The following SIDT1 variants were observed in gnomAD, a reference collection of about 807,000 sequenced individuals.
SIDT1 encodes SID1 transmembrane family, member 1.
A neutral mutation model predicts 107.5 loss-of-function variants in SIDT1; 101 were observed. That is an observed-to-expected ratio of 0.94 (90% CI 0.80 to 1.11). The LOEUF is 1.11. SIDT1 is among the 50% of genes least tolerant of loss of function. The pLI is 0.00. For missense variants in SIDT1, 1,076 were observed against 1,058.2 expected, an observed-to-expected ratio of 1.02 and a Z score of -0.23; for synonymous variants, 395 against 398.2, an observed-to-expected ratio of 0.99 and a Z score of 0.10.
intron 3 of SIDT1, among the ~76,000 whole-genome samples, chr3:113,574,641 C>T (rs993284520): frequency 4.0e-5 from 6 of 151,872 alleles, no homozygotes; most frequent in African/African-American, 9.7e-5. Context: ...TCTCTACCCC[C>T]GACCCATGGG....
intron 10 of SIDT1, among the ~76,000 whole-genome samples, chr3:113,596,454 T>A (rs1944558378): frequency 2.0e-5 from 3 of 152,226 alleles, no homozygotes. Context: ...TATTTCATAC[T>A]TCATGGGATG....
At chr3:113,574,259 C>G (rs1576815653) in intron 3 of SIDT1, among the ~76,000 whole-genome samples, 1 of 151,986 alleles carries the variant, frequency 6.6e-6, no homozygotes, top group Non-Finnish European at 1.5e-5. Flanking sequence ...ATACTTAGAC[C>G]AGAGGAATGA....
At position 113,563,890 on chromosome 3, in the gene SIDT1, CTG is replaced by C. The variant is rs374999986; in HGVS notation, c.223-2529_223-2528del. On this transcript the variant is annotated intron_variant, in intron 1 of 24. Coordinates refer to ENST00000264852, the MANE Select transcript of SIDT1 (RefSeq NM_017699.3). ...AGGCTTCGTGACTTAGAGATATAGA[CTG>C]AACTGTGGTGCAGATAAATGATACG... 3.6e-3 allele frequency among the ~76,000 whole-genome samples: 545 copies of C among 152,068 alleles called. 4 individuals carry two copies. The highest frequency in any genetic ancestry group is 0.012 in the African/African-American group (518 of 41,482).
At chr3:113,549,157 T>C (rs1009576316) in intron 1 of SIDT1, among the ~76,000 whole-genome samples, 3 of 152,208 alleles carry the variant, frequency 2.0e-5, no homozygotes, top group African/African-American at 7.2e-5. Context: ...ATTCCTCTAT[T>C]GAAGGACATC....
intron 23 of SIDT1, among the ~76,000 whole-genome samples, 165 bp downstream of exon 23, chr3:113,623,898 C>G (rs1425504235): frequency 1.3e-5 from 2 of 152,206 alleles, no homozygotes; most frequent in African/African-American, 4.8e-5. Context: ...TAACTGCATG[C>G]GTTATCATTC....
Position 113,533,160 on chromosome 3 carries a change from G to A in SIDT1, c.139G>A (p.Asp47Asn), listed in dbSNP as rs1366835574. 3 of 1,578,122 alleles carry A rather than the reference G, an allele frequency of 1.9e-6. No homozygotes were observed. The highest frequency in any genetic ancestry group is 1.7e-4 in the Middle Eastern group (1 of 5,986). Residue 47 changes from aspartate (D) to asparagine (N), a missense_variant, in exon 1 of 25, where the codon GAT (aspartate) becomes AAT (asparagine). Coordinates refer to ENST00000264852, the MANE Select transcript of SIDT1 (RefSeq NM_017699.3). ...RDPFDAARGADFDHVYSGVVN... is the reference protein window; with the variant it reads ...RDPFDAARGANFDHVYSGVVN... ...CCCCTTCGACGCTGCCAGGGGCGCC[G>A]ATTTCGATCATGTCTACAGCGGGGT...
Position 113,583,414 on chromosome 3 carries a change from G to A in SIDT1, c.753G>A (p.Lys251=). The A allele has an allele frequency of 1.3e-6, 2 of 1,597,898 alleles. No homozygotes were observed. The highest frequency in any genetic ancestry group is 1.7e-6 in the Non-Finnish European group (2 of 1,168,640). The change falls in exon 7 of 25, where the codon AAG becomes AAA. Residue 251 remains lysine (K), a synonymous_variant. Coordinates refer to ENST00000264852, the MANE Select transcript of SIDT1 (RefSeq NM_017699.3). ...GGTTGTTATGTCTTATGCAGAAGAA[G>A]GATTTTCCAGGCGAGCAGTTCTTCG... ...TKKAAITLQK[K]DFPGEQFFVV... is the part of the protein sequence containing the mutation.
rs377230953 is a variant in SIDT1, at chr3:113,584,786, G to A, written c.907+17G>A. 184 of 1,536,942 alleles carry A rather than the reference G, an allele frequency of 1.2e-4. No individual in the cohort carries two copies. The Middle Eastern group carries it at 4.3e-3, about 36-fold the overall frequency. ...CCATTAAAGGTCAGTGTTGGCTCCAGAATGCATTGAAGAGATTCCTGTGTC... is the reference window on the plus strand; with the variant it reads ...CCATTAAAGGTCAGTGTTGGCTCCAAAATGCATTGAAGAGATTCCTGTGTC... On this transcript the variant is annotated intron_variant, in intron 8 of 24. Transcript: ENST00000264852.
intron 1 of SIDT1, among the ~76,000 whole-genome samples, chr3:113,542,490 T>C (rs943119943): frequency 8.5e-5 from 13 of 152,166 alleles, no homozygotes; most frequent in Non-Finnish European, 1.6e-4. Context: ...CCTTAAGACA[T>C]TATCACGATA....
At position 113,550,891 on chromosome 3, in the gene SIDT1, T is replaced by C. The variant is rs144071336; in HGVS notation, c.223-15529T>C. 8.2e-3 allele frequency among the ~76,000 whole-genome samples: 1,252 copies of C among 152,272 alleles called. 21 individuals are homozygous for C. The highest frequency in any genetic ancestry group is 0.028 in the African/African-American group (1,181 of 41,550). ...CTAAGACTAGTACCCATTAGTTATT[T>C]TTCCTGATCCTCTCTCTCCTCCCAC... On this transcript the variant is annotated intron_variant, in intron 1 of 24. Transcript: ENST00000264852.
chr3:113,595,049 A>G lies in SIDT1; in HGVS notation c.1045+2001A>G, dbSNP rs558798381. ...GAGTGAATCATACACTTATTGTTAA[A>G]CCAGTCACTGCAAAGAACAGATTTA... On this transcript the variant is annotated intron_variant, in intron 10 of 24. Coordinates refer to ENST00000264852, the MANE Select transcript of SIDT1 (RefSeq NM_017699.3). 1.9e-5 allele frequency: 3 copies of G among 154,230 alleles called. No individual in the cohort carries two copies. The South Asian group carries it at 6.1e-4, about 31-fold the overall frequency. The allele number at this position is 154,230 out of a possible 1,614,324, so 9.6% of individuals were successfully genotyped here. A position where few individuals can be genotyped will look rare whatever the true frequency, so the allele number is the denominator to read the frequency against.
Position 113,532,809 on chromosome 3 carries a change from G to T in SIDT1, c.-213G>T, listed in dbSNP as rs1937617069. 2.5e-6 allele frequency: 1 copy of T among 395,748 alleles called. No homozygotes were observed. The highest frequency in any genetic ancestry group is 4.4e-6 in the Non-Finnish European group (1 of 225,512). The allele number at this position is 395,748 out of a possible 1,614,324, so 24.5% of individuals were successfully genotyped here. Reference sequence around the variant, plus strand: ...CTCCAGTCCGCCCTACTCTCCACCCGTGACCTCCAGTGGAGACCCCAGGCG... The same window carrying T: ...CTCCAGTCCGCCCTACTCTCCACCCTTGACCTCCAGTGGAGACCCCAGGCG... On this transcript the variant is annotated 5_prime_UTR_variant, in exon 1 of 25. Coordinates refer to ENST00000264852, the MANE Select transcript of SIDT1 (RefSeq NM_017699.3).
At chr3:113,583,365 C>A in intron 6 of SIDT1, 44 bp from the exon 7 acceptor site, 1 of 1,481,602 alleles carries the variant, frequency 6.7e-7, no homozygotes, top group Non-Finnish European at 9.3e-7. Context: ...CTCCCTTCTA[C>A]CTCTTTCTTA....
intron 24 of SIDT1, among the ~76,000 whole-genome samples, chr3:113,626,744 A>G (rs1241335242): frequency 6.6e-6 from 1 of 152,136 alleles, no homozygotes; most frequent in Non-Finnish European, 1.5e-5. Context: ...CCTTTCTCAG[A>G]AGCCATGAGT....
chr3:113,533,811 C>T (rs547959934), intron 1 of SIDT1, among the ~76,000 whole-genome samples: 3 of 152,140 alleles, frequency 2.0e-5, no homozygotes, highest in Admixed American at 6.5e-5. Context: ...TTCAGAGACG[C>T]CAGAAGACCT....
chr3:113,581,295 T>C, intron 5 of SIDT1, 66 bp from the exon 6 acceptor site: 2 of 1,282,776 alleles, frequency 1.6e-6, no homozygotes, highest in Non-Finnish European at 2.3e-6. Context: ...TGACAGGACC[T>C]ATGTGTGGCA....
intron 19 of SIDT1, among the ~76,000 whole-genome samples, chr3:113,615,741 G>A (rs1159850663): frequency 1.3e-5 from 2 of 152,126 alleles, no homozygotes; most frequent in African/African-American, 4.8e-5. Context: ...AGATTGAGGG[G>A]ACCCATAACA....
rs182652200 is a variant in SIDT1 at position 113,569,865 on chromosome 3, C to G, written c.515+2155C>G. Among the ~76,000 whole-genome samples, 18 of 152,228 alleles carry G rather than the reference C, an allele frequency of 1.2e-4. 1 individual carries two copies. Among genetic ancestry groups the G allele is most frequent in the Admixed American group, 6.5e-4 (10 of 15,288 alleles). ...TCTAACATGCAGCCAGTGTTGCGAA[C>G]CACTACCCTAAAATGATTTCTAAAT... On this transcript the variant is annotated intron_variant, in intron 3 of 24. Transcript: ENST00000264852.
chr3:113,535,875 TTTC>T (rs1288287367), intron 1 of SIDT1, among the ~76,000 whole-genome samples: 145 of 152,318 alleles, frequency 9.5e-4, no homozygotes, highest in African/African-American at 3.3e-3. Context: ...GAGAAGACAT[TTTC>T]TTGATCTGTC....
Sources: allele counts gnomAD v4.1 joint callset (sites outside exome capture counted in the v4.1 genomes callset), GRCh38; gene constraint gnomAD v4.1.1; transcripts MANE v1.5; gene names NCBI Gene and HGNC (gene_info 2026-07-23, HGNC 2026-07-21).